Variants in VTI1A observed in about 807,000 individuals in gnomAD.
VTI1A encodes vesicle transport through interaction with t-SNAREs homolog 1A.
Under a neutral mutation model 34.9 loss-of-function variants are expected in VTI1A, and 22 were observed. The observed-to-expected ratio is 0.63, with a 90% CI of 0.45 to 0.90. The LOEUF is 0.90. Among genes scored for constraint, VTI1A ranks in the 40% least tolerant of loss-of-function variants. The pLI is 0.00. For synonymous variants in VTI1A, 87 were observed against 97.3 expected (o/e 0.89, Z 0.62); for missense variants, 268 against 275.6 (o/e 0.97, Z 0.20).
At chr10:112,675,225 G>A (rs117047493) in intron 7 of VTI1A, among the ~76,000 whole-genome samples, 3,179 of 152,186 alleles carry the variant, frequency 0.021, 61 homozygotes, top group Non-Finnish European at 0.031. Context: ...TTTGTTATAC[G>A]TTATCTTCTT....
intron 5 of VTI1A, among the ~76,000 whole-genome samples, chr10:112,620,777 C>T (rs938658688): frequency 9.7e-5 from 14 of 143,736 alleles, no homozygotes; most frequent in Non-Finnish European, 2.0e-4. Context: ...GCAATAAGAC[C>T]GAAACTCCAT....
At chr10:112,845,987 C>T in the VTI1A span, among the ~76,000 whole-genome samples, 1 of 152,162 alleles carries the variant, frequency 6.6e-6, no homozygotes, top group East Asian at 1.9e-4. Context: ...CACGACACGC[C>T]AGCCTGGGTG....
intron 4 of VTI1A, among the ~76,000 whole-genome samples, chr10:112,537,510 C>T (rs1358103715): frequency 2.0e-5 from 3 of 151,296 alleles, no homozygotes; most frequent in Admixed American, 6.6e-5. Flanking sequence ...TCTAATTTCC[C>T]CATCAGATAA....
chr10:112,641,657 A>G (rs1590013910), intron 5 of VTI1A, among the ~76,000 whole-genome samples: 1 of 152,066 alleles, frequency 6.6e-6, no homozygotes, highest in African/African-American at 2.4e-5. Context: ...CTTCTCTATT[A>G]CCTTTAGTAT....
intron 7 of VTI1A, among the ~76,000 whole-genome samples, chr10:112,698,281 G>C (rs1848866911): frequency 1.3e-5 from 2 of 152,028 alleles, no homozygotes; most frequent in Non-Finnish European, 2.9e-5. Flanking sequence ...TTGAGACTTG[G>C]GTAATATGTC....
At chr10:112,678,123 T>G (rs950024506) in intron 7 of VTI1A, among the ~76,000 whole-genome samples, 1 of 152,222 alleles carries the variant, frequency 6.6e-6, no homozygotes, top group Non-Finnish European at 1.5e-5. Context: ...GAGAATATTT[T>G]TCTCCATTAT....
rs67154330 is a variant in VTI1A at position 112,811,712 on chromosome 10, A to AAAAAAT, written c.561-3578_561-3577insAAAAAT. Among the ~76,000 whole-genome samples, 43 of 84,062 alleles carry AAAAAAT rather than the reference A, an allele frequency of 5.1e-4. 10 individuals are homozygous for AAAAAAT. Among genetic ancestry groups the AAAAAAT allele is most frequent in the African/African-American group, 1.0e-3 (21 of 21,060 alleles). The allele number at this position is 84,062 out of a possible 152,430, so 55.1% of individuals were successfully genotyped here. On this transcript the variant is annotated intron_variant, in intron 7 of 7. Coordinates refer to ENST00000393077, the MANE Select transcript of VTI1A (RefSeq NM_145206.4). ...AAAAAAAAAAAAAAAAAAAAAAAAA[A>AAAAAAT]GAGTGCAGTCCATGCCTGGAAGTAG...
At chr10:112,559,172 C>T (rs1367776641) in intron 5 of VTI1A, among the ~76,000 whole-genome samples, 1 of 152,148 alleles carries the variant, frequency 6.6e-6, no homozygotes, top group Non-Finnish European at 1.5e-5. Flanking sequence ...TGATGATTGA[C>T]TGCAAGTTTT....
intron 3 of VTI1A, among the ~76,000 whole-genome samples, chr10:112,502,797 A>G (rs962672516): frequency 2.0e-5 from 3 of 151,956 alleles, no homozygotes; most frequent in Non-Finnish European, 4.4e-5. Context: ...ACCCTATATA[A>G]CCCTGTGTGC....
chr10:112,632,869 GTACT>G (rs2134628637), intron 5 of VTI1A, among the ~76,000 whole-genome samples: 1 of 152,322 alleles, frequency 6.6e-6, no homozygotes, highest in South Asian at 2.1e-4. Flanking sequence ...GCACAAGCAT[GTACT>G]TACTTAGTTG....
intron 3 of VTI1A, among the ~76,000 whole-genome samples, chr10:112,479,735 A>G (rs1003424315): frequency 1.3e-5 from 2 of 152,156 alleles, no homozygotes; most frequent in African/African-American, 4.8e-5. Context: ...GGCTCATTAA[A>G]TTCCCCTAAA....
chr10:112,810,397 A>T (rs1310543233), intron 7 of VTI1A, among the ~76,000 whole-genome samples: 1 of 142,588 alleles, frequency 7.0e-6, no homozygotes. Flanking sequence ...GAATGACTCC[A>T]TCTCAAAAAA....
intron 3 of VTI1A, among the ~76,000 whole-genome samples, chr10:112,497,663 A>C (rs1009110045): frequency 2.6e-5 from 4 of 152,212 alleles, no homozygotes; most frequent in Non-Finnish European, 5.9e-5. Flanking sequence ...AATTAGGCCA[A>C]ACTTTCCAAG....
At chr10:112,609,085 G>A (rs1446346807) in intron 5 of VTI1A, among the ~76,000 whole-genome samples, 1 of 152,074 alleles carries the variant, frequency 6.6e-6, no homozygotes, top group Non-Finnish European at 1.5e-5. Flanking sequence ...TGGGATATAT[G>A]GTTATGATAA....
intron 4 of VTI1A, among the ~76,000 whole-genome samples, chr10:112,534,945 T>G (rs184048225): frequency 8.9e-4 from 135 of 152,298 alleles, no homozygotes; most frequent in Non-Finnish European, 1.6e-3. Flanking sequence ...GCCCCTGAAT[T>G]TAAGCAATGA....
chr10:112,609,671 T>C (rs1237579486), intron 5 of VTI1A, among the ~76,000 whole-genome samples: 1 of 152,234 alleles, frequency 6.6e-6, no homozygotes, highest in Admixed American at 6.5e-5. Flanking sequence ...TACTTTGTCA[T>C]CATAAAATTA....
At chr10:112,611,937 T>C (rs2134519396) in intron 5 of VTI1A, among the ~76,000 whole-genome samples, 1 of 151,994 alleles carries the variant, frequency 6.6e-6, no homozygotes, top group African/African-American at 2.4e-5. Flanking sequence ...GAGACAGGGT[T>C]TCACCATGTT....
chr10:112,822,464 G>T (rs928516690), downstream of VTI1A, among the ~76,000 whole-genome samples: 2 of 152,208 alleles, frequency 1.3e-5, no homozygotes, highest in Non-Finnish European at 2.9e-5. Context: ...GGAAAATTGT[G>T]TCCCTCCTCT....
chr10:112,613,275 G>A (rs995368456), intron 5 of VTI1A, among the ~76,000 whole-genome samples: 20 of 152,022 alleles, frequency 1.3e-4, no homozygotes, highest in Admixed American at 2.0e-4. Flanking sequence ...TGCATCTTTC[G>A]TGAAGGTTAA....
Sources: gnomAD v4.1 joint callset for allele counts (sites outside exome capture counted in the v4.1 genomes callset) on GRCh38, gnomAD v4.1.1 for gene constraint, MANE v1.5 for transcripts, NCBI Gene and HGNC (gene_info 2026-07-23, HGNC 2026-07-21) for gene names.